KIF21A: variants seen among roughly 807,000 people sequenced by gnomAD.
KIF21A encodes kinesin-like protein KIF21A.
A neutral mutation model predicts 202.9 loss-of-function variants in KIF21A; 114 were observed. That is an observed-to-expected ratio of 0.56 (90% CI 0.48 to 0.66). The LOEUF is 0.66. KIF21A is among the 30% of genes least tolerant of loss of function. The pLI is 0.00. For synonymous variants in KIF21A, 667 were observed against 670.8 expected (o/e 0.99, Z 0.09); for missense variants, 1,677 against 1,994.9 (o/e 0.84, Z 3.04).
chr12:39,314,322 T>C (rs1331189492), intron 31 of KIF21A, among the ~76,000 whole-genome samples: 1 of 151,776 alleles, frequency 6.6e-6, no homozygotes, highest in East Asian at 1.9e-4. Context: ...ATCTAACAAT[T>C]TAACCAGATT....
chr12:39,352,640 T>C, intron 10 of KIF21A, among the ~76,000 whole-genome samples: 1 of 152,130 alleles, frequency 6.6e-6, no homozygotes, highest in Admixed American at 6.6e-5. Context: ...CATCACACAA[T>C]AGTAGCATTT....
chr12:39,306,309 C>CT (rs1417219641), intron 34 of KIF21A, among the ~76,000 whole-genome samples: 2 of 152,112 alleles, frequency 1.3e-5, no homozygotes, highest in East Asian at 3.8e-4. Context: ...TCTTTTCTGC[C>CT]TTGTGTCATG....
intron 1 of KIF21A, among the ~76,000 whole-genome samples, chr12:39,432,732 T>A (rs1194615591): frequency 6.6e-6 from 1 of 152,078 alleles, no homozygotes; most frequent in Non-Finnish European, 1.5e-5. Context: ...TCCGCCAGCC[T>A]CCCAAGTAGC....
At chr12:39,300,028 A>G (rs1181471344) in intron 37 of KIF21A, among the ~76,000 whole-genome samples, 3 of 152,144 alleles carry the variant, frequency 2.0e-5, no homozygotes, top group African/African-American at 7.2e-5. Context: ...GGGTGATGAA[A>G]TAATCTGAAC....
chr12:39,309,595 C>T lies in KIF21A; in HGVS notation c.4268G>A (p.Arg1423Gln), dbSNP rs749290916. The T allele has an allele frequency of 1.1e-5, 18 of 1,609,278 alleles. No homozygotes were observed. The highest frequency in any genetic ancestry group is 2.2e-5 in the East Asian group (1 of 44,784). Residue 1423 changes from arginine (R) to glutamine (Q), a missense_variant, in exon 33 of 38, where the codon CGA (arginine) becomes CAA (glutamine). Transcript: ENST00000361418. ...TCTTCAAGTTACTTACGTTAGTGTT[C>T]GAATGCACTTTGCTGAATCTCTGAT... Reference protein sequence around the residue: ...WDIRDSAKCIRTLTSSGQVTL... With the variant: ...WDIRDSAKCIQTLTSSGQVTL...
intron 17 of KIF21A, among the ~76,000 whole-genome samples, chr12:39,336,786 A>G (rs1947011398): frequency 6.6e-6 from 1 of 152,194 alleles, no homozygotes; most frequent in Non-Finnish European, 1.5e-5. Context: ...GCTATCTTAT[A>G]TAATACTGCA....
intron 1 of KIF21A, among the ~76,000 whole-genome samples, chr12:39,393,263 A>T (rs1051371440): frequency 6.6e-6 from 1 of 151,948 alleles, no homozygotes; most frequent in African/African-American, 2.4e-5. Flanking sequence ...ACTTCCCACC[A>T]TTTCTAGACA....
chr12:39,388,458 C>T (rs1005732558), intron 1 of KIF21A, among the ~76,000 whole-genome samples: 31 of 152,098 alleles, frequency 2.0e-4, no homozygotes, highest in African/African-American at 6.8e-4. Context: ...CAAAAATGGA[C>T]GAAGACATTC....
intron 24 of KIF21A, among the ~76,000 whole-genome samples, chr12:39,329,304 G>T (rs954288869): frequency 6.6e-6 from 1 of 152,156 alleles, no homozygotes; most frequent in African/African-American, 2.4e-5. Flanking sequence ...TTGTTTGAAA[G>T]TTGGAAAACA....
At chr12:39,305,519 G>A (rs1196259547) in intron 34 of KIF21A, among the ~76,000 whole-genome samples, 6 of 152,050 alleles carry the variant, frequency 3.9e-5, no homozygotes, top group African/African-American at 1.4e-4. Context: ...CAGTAGCTGG[G>A]ACTTATAGGT....
rs535516464 is a variant in KIF21A at position 39,395,302 on chromosome 12, T to C, written c.45-25041A>G. Among the ~76,000 whole-genome samples, 8 of 152,286 alleles carry C rather than the reference T, an allele frequency of 5.3e-5. No individual in the cohort carries two copies. In the South Asian group the frequency reaches 1.4e-3, roughly 28 times the overall value. On this transcript the variant is annotated intron_variant, in intron 1 of 37. Coordinates refer to ENST00000361418, the MANE Select transcript of KIF21A (RefSeq NM_001173464.2). ...ATTTCTGCCTTCAAATACTTCAAGC[T>C]CTTTCTCTTTCCATTGCTCTAGAAT...
rs767656148 is a variant in KIF21A at position 39,443,005 on chromosome 12, C to G, written c.-35G>C. 1 of 1,513,822 alleles carries G rather than the reference C, an allele frequency of 6.6e-7. No individual in the cohort carries two copies. The highest frequency in any genetic ancestry group is 8.8e-7 in the Non-Finnish European group (1 of 1,138,346). The allele number at this position is 1,513,822 out of a possible 1,614,324, so 93.8% of individuals were successfully genotyped here. Reference sequence around the variant, plus strand: ...GGGCAGCGATCGAGCCGTTGGGCCTCGGCACCGCAGAGCTGAGGCGCCACT... The same window carrying G: ...GGGCAGCGATCGAGCCGTTGGGCCTGGGCACCGCAGAGCTGAGGCGCCACT... On this transcript the variant is annotated 5_prime_UTR_variant, in exon 1 of 38. Transcript: ENST00000361418.
chr12:39,317,119 G>C (rs1944636780), intron 29 of KIF21A, among the ~76,000 whole-genome samples: 2 of 151,976 alleles, frequency 1.3e-5, no homozygotes, highest in Non-Finnish European at 1.5e-5. Flanking sequence ...TCAATGTAAA[G>C]AACATATCTT....
intron 1 of KIF21A, among the ~76,000 whole-genome samples, chr12:39,409,115 C>T (rs1952860274): frequency 6.6e-6 from 1 of 151,844 alleles, no homozygotes; most frequent in South Asian, 2.1e-4. Context: ...GGATTACAGG[C>T]ATGAATCACC....
intron 1 of KIF21A, among the ~76,000 whole-genome samples, chr12:39,382,489 G>C (rs1181938879): frequency 6.6e-6 from 1 of 152,016 alleles, no homozygotes; most frequent in Non-Finnish European, 1.5e-5. Flanking sequence ...GTTTGAAAGG[G>C]CAATGTTGCA....
rs1197073681 is a variant in KIF21A at position 39,326,299 on chromosome 12, C to T, written c.3366G>A (p.Glu1122=). The T allele has an allele frequency of 6.8e-6, 11 of 1,611,816 alleles. No homozygotes were observed. The highest frequency in any genetic ancestry group is 1.1e-5 in the South Asian group (1 of 91,030). Residue 1122 remains glutamate, a synonymous_variant, in exon 25 of 38, where the codon GAG becomes GAA. Transcript: ENST00000361418. The part of the protein sequence containing the change: ...PLENVEDSTD[E]DAPLNSPGSE... Reference sequence around the variant, plus strand: ...ATCCTGGGCTGTTTAAAGGAGCATCCTCATCAGTACTATCCTCTACATTTT... The same window carrying T: ...ATCCTGGGCTGTTTAAAGGAGCATCTTCATCAGTACTATCCTCTACATTTT...
chr12:39,426,582 G>A (rs926410218), intron 1 of KIF21A, among the ~76,000 whole-genome samples: 8 of 151,868 alleles, frequency 5.3e-5, no homozygotes, highest in Non-Finnish European at 1.0e-4. Flanking sequence ...TTACTATTTT[G>A]GAAATTAAGG....
intron 16 of KIF21A, among the ~76,000 whole-genome samples, chr12:39,338,404 A>G (rs1947163229): frequency 6.6e-6 from 1 of 152,244 alleles, no homozygotes; most frequent in Admixed American, 6.5e-5. Context: ...TATAAAATAA[A>G]AAAAATTACA....
chr12:39,302,891 T>C (rs559944480), intron 36 of KIF21A, 74 bp downstream of exon 36: 90 of 1,205,302 alleles, frequency 7.5e-5, no homozygotes, highest in Non-Finnish European at 1.0e-4. Context: ...ACATAGAAGC[T>C]CTTCAAGTTC....
Sources: allele counts gnomAD v4.1 joint callset (sites outside exome capture counted in the v4.1 genomes callset), GRCh38; gene constraint gnomAD v4.1.1; transcripts MANE v1.5; gene names NCBI Gene and HGNC (gene_info 2026-07-23, HGNC 2026-07-21).